Variants in PARVB observed in about 807,000 individuals in gnomAD.
PARVB encodes the protein parvin beta.
Under a neutral mutation model 47.0 loss-of-function variants are expected in PARVB, and 46 were observed. The observed-to-expected ratio is 0.98, with a 90% confidence interval of 0.77 to 1.25. The LOEUF (loss-of-function observed/expected upper bound fraction) is 1.25. Among genes scored for constraint, PARVB ranks in the 50% most tolerant of loss-of-function variants. The pLI is 0.00. For missense variants in PARVB, 473 were observed against 471.6 expected (o/e 1.00, Z -0.03); for synonymous variants, 196 against 196.3 (o/e 1.00, Z 0.01).
rs1179958203 is a variant in PARVB at position 44,170,980 on chromosome 22, G to A, written c.*2302G>A. Reference sequence around the variant, plus strand: ...TTTTGATGGAGGTGATTTCCCAGCAGGGGAAAGAAATAATTAAAACAGCAT... The same window carrying A: ...TTTTGATGGAGGTGATTTCCCAGCAAGGGAAAGAAATAATTAAAACAGCAT... On this transcript the variant is annotated 3_prime_UTR_variant, in exon 13 of 13. Transcript: ENST00000338758. 3 of 152,214 alleles carry A rather than the reference G, an allele frequency of 2.0e-5. No homozygotes were observed. Among genetic ancestry groups the A allele is most frequent in the Non-Finnish European group, 2.9e-5 (2 of 68,034 alleles). 9.4% of individuals were successfully genotyped at this position (152,214 alleles called of 1,614,324 possible). A position where few individuals can be genotyped will look rare whatever the true frequency, so the allele number is the denominator to read the frequency against.
chr22:44,015,523 A>C (rs936819164), intron 2 of PARVB, among the ~76,000 whole-genome samples: 2 of 152,170 alleles, frequency 1.3e-5, no homozygotes, highest in African/African-American at 4.8e-5. Flanking sequence ...CATCTACATA[A>C]TACATAGGAT....
At chr22:44,146,291 C>G (rs563703383) in intron 8 of PARVB, 159 of 110,050 alleles carry the variant, frequency 1.4e-3, no homozygotes, top group Non-Finnish European at 1.8e-3. Context: ...TCACACACAA[C>G]CTCACACGCA....
chr22:44,125,673 G>C lies in PARVB; in HGVS notation c.377-5814G>C, dbSNP rs1265924765. ...GGGAGGGAGAGAGCCAAGAGATGAG[G>C]CTGGGGCCAGATCTCATTCAGCCCT... On this transcript the variant is annotated intron_variant, in intron 4 of 12. Transcript: ENST00000338758. This position sits in a 1 kb window ranked among gnomAD's most constrained non-coding sequence, Gnocchi z 4.1. Among the ~76,000 whole-genome samples, 1 of 152,190 alleles carries C rather than the reference G, an allele frequency of 6.6e-6. No individual in the cohort carries two copies. Among genetic ancestry groups the C allele is most frequent in the African/African-American group, 2.4e-5 (1 of 41,446 alleles).
intron 1 of PARVB, among the ~76,000 whole-genome samples, chr22:44,055,612 C>T (rs1027469529): frequency 9.2e-5 from 14 of 152,000 alleles, no homozygotes; most frequent in Admixed American, 3.3e-4. Flanking sequence ...GGATTACAGG[C>T]GTGAGCCACC....
At chr22:44,112,134 T>A (rs1601617749) in intron 3 of PARVB, 1 of 152,200 alleles carries the variant, frequency 6.6e-6, no homozygotes, top group Non-Finnish European at 1.5e-5. Flanking sequence ...AATGACATGC[T>A]TTGAAAACAA....
chr22:44,050,384 C>T (rs1207550339), intron 1 of PARVB, among the ~76,000 whole-genome samples: 2 of 151,172 alleles, frequency 1.3e-5, no homozygotes, highest in African/African-American at 4.9e-5. Flanking sequence ...GCTCTTGTTG[C>T]CCAGGCTGGA....
At position 44,071,118 on chromosome 22, in the gene PARVB, T is replaced by C. The variant is rs149782973; in HGVS notation, c.113-22810T>C. On this transcript the variant is annotated intron_variant, in intron 1 of 12. Coordinates refer to ENST00000338758, the MANE Select transcript of PARVB (RefSeq NM_013327.5). ...CCAGTGTGGGGTGTGGGGGAACAGATACTGAGCGCTCTGTCCCCTCCCCTT... is the reference window on the plus strand; with the variant it reads ...CCAGTGTGGGGTGTGGGGGAACAGACACTGAGCGCTCTGTCCCCTCCCCTT... Among the ~76,000 whole-genome samples the C allele has an allele frequency of 8.8e-3, 1,335 of 152,268 alleles. 20 individuals carry two copies. The highest frequency in any genetic ancestry group is 0.031 in the African/African-American group (1,279 of 41,544).
chr22:44,009,808 CTTT>C (rs546290064), intron 2 of PARVB, among the ~76,000 whole-genome samples: 5 of 132,886 alleles, frequency 3.8e-5, no homozygotes, highest in Non-Finnish European at 4.8e-5. Flanking sequence ...GCATATGAAT[CTTT>C]TTTTTTTTTT....
chr22:44,085,723 A>G (rs1261788502), intron 1 of PARVB, among the ~76,000 whole-genome samples: 4 of 152,114 alleles, frequency 2.6e-5, no homozygotes, highest in Non-Finnish European at 5.9e-5. Flanking sequence ...TGCTGGGTGG[A>G]AGTGACCAGG....
At chr22:44,013,219 C>CT (rs35733804) in intron 2 of PARVB, among the ~76,000 whole-genome samples, 190 of 152,290 alleles carry the variant, frequency 1.2e-3, no homozygotes, top group African/African-American at 4.5e-3. Context: ...TTAAGACCCT[C>CT]TTTAAGCACT....
rs2052495768 is a variant in PARVB, at chr22:44,103,392, C to T, written c.273+3269C>T. 1 of 152,208 alleles carries T rather than the reference C, an allele frequency of 6.6e-6. No homozygotes were observed. The highest frequency in any genetic ancestry group is 1.5e-5 in the Non-Finnish European group (1 of 68,054). 9.4% of individuals were successfully genotyped at this position (152,208 alleles called of 1,614,324 possible). ...CTGGGTTTTCTTCTGAAGCCATAGC[C>T]AGCTCATGCACCTGCCTCACCTCCC... On this transcript the variant is annotated intron_variant, in intron 3 of 12. Transcript: ENST00000338758. This position sits in a 1 kb window ranked among gnomAD's most constrained non-coding sequence, Gnocchi z 4.6.
intron 4 of PARVB, among the ~76,000 whole-genome samples, chr22:44,130,437 A>G (rs2053283895): frequency 6.6e-6 from 1 of 152,190 alleles, no homozygotes; most frequent in South Asian, 2.1e-4. Context: ...AGGGAAATTG[A>G]AGGAGGTGCA....
Position 44,172,142 on chromosome 22 carries a change from T to C in PARVB, c.*3464T>C, listed in dbSNP as rs1405017795. The C allele has an allele frequency of 6.6e-6, 1 of 151,808 alleles. No homozygotes were observed. The highest frequency in any genetic ancestry group is 2.4e-5 in the African/African-American group (1 of 41,436). The allele number at this position is 151,808 out of a possible 1,614,324, so 9.4% of individuals were successfully genotyped here. On this transcript the variant is annotated 3_prime_UTR_variant, in exon 13 of 13. Transcript: ENST00000338758. ...TCAGTTTGAGTCTGAATTCATAGCATGGCCTGGACAGATGCAGCAAGGGGC... is the reference window on the plus strand; with the variant it reads ...TCAGTTTGAGTCTGAATTCATAGCACGGCCTGGACAGATGCAGCAAGGGGC...
At chr22:44,026,203 C>A in intron 1 of PARVB, 2 of 513,146 alleles carry the variant, frequency 3.9e-6, no homozygotes, top group South Asian at 8.4e-5. Flanking sequence ...CGCAGTGCTT[C>A]TCCTCCTTGC....
At chr22:44,001,304 G>A (rs546325620) in intron 2 of PARVB, among the ~76,000 whole-genome samples, 3 of 152,290 alleles carry the variant, frequency 2.0e-5, no homozygotes, top group South Asian at 2.1e-4. Context: ...ATCAGCACCC[G>A]TTGGATCAGG....
chr22:44,033,026 G>T (rs571003315), intron 1 of PARVB, among the ~76,000 whole-genome samples: 1 of 152,174 alleles, frequency 6.6e-6, no homozygotes, highest in South Asian at 2.1e-4. Context: ...TTAAGATATT[G>T]CAGTGAGAAT....
At chr22:44,164,108 G>A (rs901658383) in intron 12 of PARVB, among the ~76,000 whole-genome samples, 178 bp downstream of exon 12, 2 of 152,236 alleles carry the variant, frequency 1.3e-5, no homozygotes, top group Admixed American at 6.5e-5. Flanking sequence ...GGAACCAGGA[G>A]GACTTCGCTG....
chr22:44,098,426 G>C (rs1458402463), intron 2 of PARVB, among the ~76,000 whole-genome samples: 1 of 152,136 alleles, frequency 6.6e-6, no homozygotes, highest in Non-Finnish European at 1.5e-5. Flanking sequence ...ATGGGCCAGG[G>C]AGAGAGTGTC....
At chr22:44,036,032 C>T (rs891823538) in intron 1 of PARVB, among the ~76,000 whole-genome samples, 1 of 152,042 alleles carries the variant, frequency 6.6e-6, no homozygotes, top group East Asian at 1.9e-4. Context: ...CCGAGGCGGG[C>T]GGATCACTTA....
Sources: gnomAD v4.1 joint callset for allele counts (sites outside exome capture counted in the v4.1 genomes callset) on GRCh38, gnomAD v4.1.1 for gene constraint, Gnocchi (gnomAD v3.1) non-coding constraint, MANE v1.5 for transcripts, NCBI Gene and HGNC (gene_info 2026-07-23, HGNC 2026-07-21) for gene names.